The following SBF2 variants were observed in gnomAD, a reference collection of about 807,000 sequenced individuals.
The protein encoded by SBF2 is myotubularin-related protein 13.
Under a neutral mutation model 225.2 loss-of-function variants are expected in SBF2, and 112 were observed. That is an observed-to-expected ratio of 0.50 (90% CI 0.43 to 0.58). SBF2 has a LOEUF of 0.58. Ranked by LOEUF, SBF2 falls within the 20% of genes least tolerant of loss-of-function variation. The pLI, the probability that SBF2 is intolerant of heterozygous loss-of-function variation, is 0.00. For missense variants in SBF2, 1,996 were observed against 2,206.2 expected, an observed-to-expected ratio of 0.90 and a Z score of 1.91; for synonymous variants, 763 against 773.3, an observed-to-expected ratio of 0.99 and a Z score of 0.22.
intron 1 of SBF2, among the ~76,000 whole-genome samples, chr11:10,216,784 C>A (rs371960707): frequency 2.0e-5 from 3 of 152,074 alleles, no homozygotes; most frequent in African/African-American, 7.2e-5. Context: ...GCAGGAGAAT[C>A]GCTTGAAACC....
At chr11:10,063,328 AT>A (rs60150463) in intron 2 of SBF2, among the ~76,000 whole-genome samples, 7,359 of 81,844 alleles carry the variant, frequency 0.09, 221 homozygotes, top group Middle Eastern at 0.17. Flanking sequence ...AGTAAAAAAA[AT>A]ATATATATAT....
intron 2 of SBF2, among the ~76,000 whole-genome samples, chr11:10,094,353 T>C (rs1171777125): frequency 6.6e-6 from 1 of 152,036 alleles, no homozygotes; most frequent in African/African-American, 2.4e-5. Flanking sequence ...ATATTAACTT[T>C]TTATTCAAAA....
At chr11:10,100,302 T>C (rs1037783248) in intron 2 of SBF2, among the ~76,000 whole-genome samples, 2 of 152,226 alleles carry the variant, frequency 1.3e-5, no homozygotes, top group African/African-American at 4.8e-5. Flanking sequence ...GCGGGCAGGG[T>C]GAACCTGTTG....
intron 27 of SBF2, among the ~76,000 whole-genome samples, chr11:9,830,745 C>CA (rs553674434): frequency 0.33 from 36,845 of 110,492 alleles, 5,295 homozygotes; most frequent in African/African-American, 0.46. Flanking sequence ...AGCTCAAAAA[C>CA]AAAAAAAAAA....
intron 34 of SBF2, 124 bp from the exon 35 acceptor site, chr11:9,789,466 A>G (rs1230137050): frequency 1.8e-5 from 12 of 652,094 alleles, no homozygotes; most frequent in East Asian, 1.6e-4. Context: ...TTCAAATACC[A>G]TATTTCTAAA....
intron 1 of SBF2, among the ~76,000 whole-genome samples, chr11:10,234,893 A>G (rs1430231176): frequency 1.3e-5 from 2 of 152,202 alleles, no homozygotes; most frequent in Admixed American, 6.5e-5. Context: ...ACGGGTGGCC[A>G]GGTGGTACAG....
chr11:10,118,910 A>C (rs1429109426), intron 2 of SBF2, among the ~76,000 whole-genome samples: 2 of 118,748 alleles, frequency 1.7e-5, no homozygotes, highest in African/African-American at 2.8e-5. Flanking sequence ...AAGAAAAAAA[A>C]AAAACAAAAC....
intron 17 of SBF2, among the ~76,000 whole-genome samples, chr11:9,882,767 T>C (rs983024966): frequency 3.1e-5 from 4 of 128,058 alleles, no homozygotes; most frequent in Non-Finnish European, 4.7e-5. Context: ...GAGATTGCGG[T>C]ACTGCACTCC....
intron 1 of SBF2, among the ~76,000 whole-genome samples, chr11:10,251,202 T>A (rs1264170542): frequency 1.3e-5 from 2 of 152,216 alleles, no homozygotes; most frequent in Admixed American, 1.3e-4. Flanking sequence ...TGTTGCCTCA[T>A]AATCAGTCAA....
At chr11:9,794,181 A>AAAAAC (rs898845840) in intron 33 of SBF2, among the ~76,000 whole-genome samples, 11 of 152,012 alleles carry the variant, frequency 7.2e-5, no homozygotes, top group South Asian at 2.1e-4. Flanking sequence ...ACCCTGCCTC[A>AAAAAC]AAAACAAAAC....
chr11:10,114,233 A>C (rs1953024369), intron 2 of SBF2, among the ~76,000 whole-genome samples: 1 of 152,222 alleles, frequency 6.6e-6, no homozygotes, highest in Non-Finnish European at 1.5e-5. Flanking sequence ...AGTGCTCAAT[A>C]AATGTGATGT....
chr11:9,911,630 C>G (rs1158417666), intron 16 of SBF2, among the ~76,000 whole-genome samples: 1 of 152,152 alleles, frequency 6.6e-6, no homozygotes, highest in Non-Finnish European at 1.5e-5. Context: ...CAGTAGCATA[C>G]AGTGATGTCC....
chr11:9,868,774 T>C (rs918221134), intron 17 of SBF2, among the ~76,000 whole-genome samples: 3 of 152,192 alleles, frequency 2.0e-5, no homozygotes, highest in East Asian at 1.9e-4. Flanking sequence ...ATCTGACACA[T>C]TTCTTTTGTC....
chr11:10,126,519 T>C (rs1370493905), intron 2 of SBF2, among the ~76,000 whole-genome samples: 1 of 152,092 alleles, frequency 6.6e-6, no homozygotes, highest in African/African-American at 2.4e-5. Flanking sequence ...GAGCATGTGA[T>C]CTGTAATCTG....
chr11:10,119,757 A>G (rs1349482188), intron 2 of SBF2, among the ~76,000 whole-genome samples: 1 of 152,076 alleles, frequency 6.6e-6, no homozygotes, highest in African/African-American at 2.4e-5. Context: ...AAAACCACCT[A>G]CCTAATATCT....
rs370058400 is a variant in SBF2 at position 10,055,627 on chromosome 11, T to C, written c.142-12646A>G. On this transcript the variant is annotated intron_variant, in intron 2 of 39. Transcript: ENST00000256190. ...ACAAAATAATGTTTTTTGCAGCAAC[T>C]TGGATTAAACTGGAGGGTTATTACC... Among the ~76,000 whole-genome samples, 28 of 151,386 alleles carry C rather than the reference T, an allele frequency of 1.8e-4. 1 individual carries two copies. The East Asian group carries it at 2.1e-3, about 12-fold the overall frequency.
intron 2 of SBF2, among the ~76,000 whole-genome samples, chr11:10,176,013 T>C (rs796324620): frequency 1.3e-4 from 15 of 117,622 alleles, no homozygotes; most frequent in African/African-American, 3.4e-4. Flanking sequence ...ATTCAAAGCA[T>C]TGTGTAGAGG....
chr11:10,209,358 A>AC (rs1311393614), intron 1 of SBF2, among the ~76,000 whole-genome samples: 1 of 150,934 alleles, frequency 6.6e-6, no homozygotes, highest in African/African-American at 2.4e-5. Flanking sequence ...CTCAAAGTTC[A>AC]CCCTGGAGCA....
intron 3 of SBF2, among the ~76,000 whole-genome samples, chr11:10,041,584 A>G (rs933069882): frequency 2.6e-5 from 4 of 152,176 alleles, no homozygotes; most frequent in African/African-American, 2.4e-5. Flanking sequence ...TTTCCTATAA[A>G]TTAGTAGTCT....
Sources: allele counts gnomAD v4.1 joint callset (sites outside exome capture counted in the v4.1 genomes callset), GRCh38; gene constraint gnomAD v4.1.1; transcripts MANE v1.5; gene names NCBI Gene and HGNC (gene_info 2026-07-23, HGNC 2026-07-21).